NAA16: variants seen among roughly 807,000 people sequenced by gnomAD.
The protein encoded by NAA16 is NARG1-like protein.
NAA16 carries 97 observed loss-of-function variants against 110.3 expected under a neutral mutation model. That is an observed-to-expected ratio of 0.88 (90% confidence interval 0.75 to 1.04). The LOEUF (loss-of-function observed/expected upper bound fraction) is 1.04, where lower values mean the gene tolerates loss of function less well. Among genes scored for constraint, NAA16 ranks in the 50% least tolerant of loss-of-function variants. The pLI is 0.00. For missense variants in NAA16, 1,017 were observed against 1,005.1 expected, an observed-to-expected ratio of 1.01 and a Z score of -0.16; for synonymous variants, 372 against 330.6, an observed-to-expected ratio of 1.13 and a Z score of -1.36.
At chr13:41,313,290 C>G (rs779090884) in intron 1 of NAA16, among the ~76,000 whole-genome samples, 130 of 152,282 alleles carry the variant, frequency 8.5e-4, no homozygotes, top group Non-Finnish European at 1.4e-3. Flanking sequence ...GAATTCCTGG[C>G]TTGAAGCGAT....
In NAA16 at chr13:41,311,355, T is replaced by C. The variant is rs1401217451; in HGVS notation, c.-174T>C. 1 of 619,752 alleles carries C rather than the reference T, an allele frequency of 1.6e-6. No homozygotes were observed. Among genetic ancestry groups the C allele is most frequent in the African/African-American group, 1.9e-5 (1 of 52,254 alleles). 38.4% of individuals were successfully genotyped at this position (619,752 alleles called of 1,614,324 possible). A position where few individuals can be genotyped will look rare whatever the true frequency, so the allele number is the denominator to read the frequency against. Reference sequence around the variant, plus strand: ...CTGCTCAGACCGCCTTCCTTCTCCATTGCCACCCGTGCCGAACAGCCAGGC... The same window carrying C: ...CTGCTCAGACCGCCTTCCTTCTCCACTGCCACCCGTGCCGAACAGCCAGGC... On this transcript the variant is annotated 5_prime_UTR_variant, in exon 1 of 20. Coordinates refer to ENST00000379406, the MANE Select transcript of NAA16 (RefSeq NM_024561.5).
intron 10 of NAA16, among the ~76,000 whole-genome samples, chr13:41,355,429 GT>G (rs1566286266): frequency 6.6e-6 from 1 of 151,984 alleles, no homozygotes; most frequent in East Asian, 1.9e-4. Flanking sequence ...CGGTTTTTTT[GT>G]TTGTTTGTTT....
intron 9 of NAA16, among the ~76,000 whole-genome samples, chr13:41,350,918 C>G (rs755065963): frequency 6.6e-6 from 1 of 152,204 alleles, no homozygotes; most frequent in Non-Finnish European, 1.5e-5. Flanking sequence ...GCATGAGCCA[C>G]TGCACCCAGC....
At chr13:41,345,737 C>T (rs949947208) in intron 9 of NAA16, among the ~76,000 whole-genome samples, 8 of 152,072 alleles carry the variant, frequency 5.3e-5, no homozygotes, top group Non-Finnish European at 1.0e-4. Flanking sequence ...CATGCGCTAC[C>T]GTGCCTGGCT....
At position 41,345,949 on chromosome 13, in the gene NAA16, C is replaced by T. The variant is rs534521380; in HGVS notation, c.1014+9193C>T. Among the ~76,000 whole-genome samples the T allele has an allele frequency of 3.9e-5, 6 of 152,268 alleles. No individual in the cohort carries two copies. In the South Asian group the frequency reaches 6.2e-4, roughly 16 times the overall value. ...TGTGAAAATATTTTCTGTTCTGCTA[C>T]GGGTTGTCTTTTCATTTTCTTAATG... On this transcript the variant is annotated intron_variant, in intron 9 of 19. Transcript: ENST00000379406.
In NAA16 at chr13:41,355,227, A is replaced by G; in HGVS notation, c.1087+11A>G. The G allele has an allele frequency of 1.4e-6, 2 of 1,472,366 alleles. No homozygotes were observed. The highest frequency in any genetic ancestry group is 2.4e-5 in the South Asian group (2 of 82,004). The allele number at this position is 1,472,366 out of a possible 1,614,324, so 91.2% of individuals were successfully genotyped here. A position where few individuals can be genotyped will look rare whatever the true frequency, so the allele number is the denominator to read the frequency against. On this transcript the variant is annotated intron_variant, in intron 10 of 19. Coordinates refer to ENST00000379406, the MANE Select transcript of NAA16 (RefSeq NM_024561.5). ...TTTTTAGCCCATATGGTAAGTTTAAATTAGATTGAATTGGAATTTGATTAC... is the reference window on the plus strand; with the variant it reads ...TTTTTAGCCCATATGGTAAGTTTAAGTTAGATTGAATTGGAATTTGATTAC...
intron 8 of NAA16, among the ~76,000 whole-genome samples, 154 bp from the exon 9 acceptor site, chr13:41,336,496 A>G (rs1433923980): frequency 6.6e-6 from 1 of 152,242 alleles, no homozygotes; most frequent in African/African-American, 2.4e-5. Context: ...CAGAATGGAT[A>G]GTTGATAACT....
intron 9 of NAA16, among the ~76,000 whole-genome samples, chr13:41,341,956 C>CG (rs2042560743): frequency 1.3e-5 from 2 of 151,592 alleles, no homozygotes; most frequent in Non-Finnish European, 2.9e-5. Context: ...CTCAGCCTCC[C>CG]GAGTAGCTGG....
At chr13:41,342,575 C>T (rs1444721820) in intron 9 of NAA16, among the ~76,000 whole-genome samples, 1 of 152,144 alleles carries the variant, frequency 6.6e-6, no homozygotes, top group Non-Finnish European at 1.5e-5. Flanking sequence ...GTTGGCATAA[C>T]AGCAATAATA....
At position 41,367,652 on chromosome 13, in the gene NAA16, G is replaced by A. The variant is rs1339834121; in HGVS notation, c.1753G>A (p.Glu585Lys). 1 of 1,593,154 alleles carries A rather than the reference G, an allele frequency of 6.3e-7. No homozygotes were observed. Among genetic ancestry groups the A allele is most frequent in the East Asian group, 2.3e-5 (1 of 44,372 alleles). Residue 585 changes from glutamate (E) to lysine (K), a missense_variant and splice_region_variant, in exon 14 of 20, where the codon GAA becomes AAA. By Grantham distance (56) the Glu-to-Lys change is moderately conservative (BLOSUM62 1). Coordinates refer to ENST00000379406, the MANE Select transcript of NAA16 (RefSeq NM_024561.5). ...AAGCAAACAACAAGAAATAAACTCA[G>A]GTAACTGAATAGGAACTTAAAAGAT... is the stretch of plus-strand genomic sequence containing the variant. ...NESKQQEINS[E>K]NLSAKELKKM...
rs186626852 is a variant in NAA16, at chr13:41,359,511, T to G, written c.1410+549T>G. Among the ~76,000 whole-genome samples, 495 of 152,266 alleles carry G rather than the reference T, an allele frequency of 3.3e-3. 4 individuals carry two copies. The highest frequency in any genetic ancestry group is 0.011 in the African/African-American group (468 of 41,562). On this transcript the variant is annotated intron_variant, in intron 12 of 19. Coordinates refer to ENST00000379406, the MANE Select transcript of NAA16 (RefSeq NM_024561.5). Reference sequence around the variant, plus strand: ...TTTATGGTTAAAAATATAAGTAGACTAATGGAACAGGGTAGAAAGCTCAGA... The same window carrying G: ...TTTATGGTTAAAAATATAAGTAGACGAATGGAACAGGGTAGAAAGCTCAGA...
chr13:41,368,313 T>C (rs777526612), intron 14 of NAA16, among the ~76,000 whole-genome samples: 10 of 152,240 alleles, frequency 6.6e-5, no homozygotes, highest in Non-Finnish European at 1.2e-4. Flanking sequence ...CCTAGGTAGC[T>C]GTTCATTTCT....
chr13:41,365,298 A>G (rs569006773), intron 13 of NAA16, among the ~76,000 whole-genome samples: 1 of 152,306 alleles, frequency 6.6e-6, no homozygotes, highest in African/African-American at 2.4e-5. Context: ...GATAAATCAC[A>G]TAGAACTATA....
At chr13:41,325,206 C>T (rs533124799) in intron 5 of NAA16, among the ~76,000 whole-genome samples, 16 of 152,182 alleles carry the variant, frequency 1.1e-4, no homozygotes, top group African/African-American at 9.6e-5. Context: ...CCACCCACCT[C>T]AGCCTCCCAA....
rs747279599 is a variant in NAA16, at chr13:41,320,764, G to A, written c.342G>A (p.Leu114=). The A allele has an allele frequency of 3.7e-6, 6 of 1,612,956 alleles. No homozygotes were observed. Among genetic ancestry groups the A allele is most frequent in the Non-Finnish European group, 5.1e-6 (6 of 1,179,778 alleles). ...CCCTCAAATTAGATAAAGATAACCT[G>A]CAAATTTTGAGGGATCTCTCACTGT... is the stretch of plus-strand genomic sequence containing the variant. ...RNALKLDKDN[L]QILRDLSLLQ... is the part of the protein sequence containing the mutation. Residue 114 remains leucine (L), a synonymous_variant, in exon 4 of 20, where the codon CTG becomes CTA. Transcript: ENST00000379406.
At chr13:41,362,948 G>A (rs1363366847) in intron 13 of NAA16, 7 of 1,105,284 alleles carry the variant, frequency 6.3e-6, no homozygotes, top group Non-Finnish European at 1.1e-6. Context: ...TACCCACAAG[G>A]AAGGCTAAAT....
intron 19 of NAA16, 83 bp downstream of exon 19, chr13:41,374,922 C>A (rs1762643040): frequency 3.8e-6 from 3 of 791,522 alleles, no homozygotes; most frequent in African/African-American, 3.5e-5. Context: ...TTGAGTAGGC[C>A]TTCAGAATTA....
At chr13:41,335,402 C>T (rs550821684) in intron 8 of NAA16, among the ~76,000 whole-genome samples, 10 of 152,200 alleles carry the variant, frequency 6.6e-5, no homozygotes, top group Admixed American at 3.3e-4. Flanking sequence ...CACACAAATA[C>T]GTGGAGAAGT....
chr13:41,334,476 C>A (rs2139424262), intron 8 of NAA16, among the ~76,000 whole-genome samples: 1 of 151,812 alleles, frequency 6.6e-6, no homozygotes, highest in East Asian at 1.9e-4. Context: ...GAATAAGAAA[C>A]AGTCTATTCT....
Sources: gnomAD v4.1 joint callset for allele counts (sites outside exome capture counted in the v4.1 genomes callset) on GRCh38, gnomAD v4.1.1 for gene constraint, MANE v1.5 for transcripts, NCBI Gene and HGNC (gene_info 2026-07-23, HGNC 2026-07-21) for gene names.